Variants in SLC35F3 observed in about 807,000 individuals in gnomAD.
SLC35F3 encodes solute carrier family 35 member F3.
A neutral mutation model predicts 49.9 loss-of-function variants in SLC35F3; 25 were observed. The ratio of observed to expected loss-of-function variants is 0.50; its 90% CI spans 0.37 to 0.70. The LOEUF (loss-of-function observed/expected upper bound fraction) is 0.70, where lower values mean the gene tolerates loss of function less well. Ranked by LOEUF, SLC35F3 falls within the 30% of genes least tolerant of loss-of-function variation. The pLI is 0.00. For synonymous variants in SLC35F3, 275 were observed against 265.4 expected, an observed-to-expected ratio of 1.04 and a Z score of -0.35; for missense variants, 525 against 639.8, an observed-to-expected ratio of 0.82 and a Z score of 1.94.
intron 2 of SLC35F3, among the ~76,000 whole-genome samples, chr1:234,178,851 T>A (rs750091925): frequency 6.6e-5 from 10 of 152,230 alleles, no homozygotes; most frequent in African/African-American, 1.7e-4. Context: ...TCTTGACAAA[T>A]GTCTAATGAC....
intron 2 of SLC35F3, among the ~76,000 whole-genome samples, chr1:234,021,173 C>T (rs1008869364): frequency 1.3e-5 from 2 of 151,240 alleles, no homozygotes; most frequent in Admixed American, 6.6e-5. Flanking sequence ...GACATTGCCC[C>T]GCCCCCAGCA....
chr1:234,061,512 A>T (rs1350139218), intron 2 of SLC35F3, among the ~76,000 whole-genome samples: 1 of 84,910 alleles, frequency 1.2e-5, no homozygotes, highest in Non-Finnish European at 2.6e-5. Context: ...AAATTTGGAA[A>T]ATTTTTAAGC....
In SLC35F3 at chr1:233,904,855, T is replaced by C. The variant is rs1661742441; in HGVS notation, c.-223T>C. The C allele has an allele frequency of 3.9e-6, 1 of 254,126 alleles. No individual in the cohort carries two copies. The highest frequency in any genetic ancestry group is 1.6e-4 in the South Asian group (1 of 6,096). 15.7% of individuals were successfully genotyped at this position (254,126 alleles called of 1,614,324 possible). A position where few individuals can be genotyped will look rare whatever the true frequency, so the allele number is the denominator to read the frequency against. On this transcript the variant is annotated 5_prime_UTR_variant, in exon 1 of 8. Coordinates refer to ENST00000366618, the MANE Select transcript of SLC35F3 (RefSeq NM_173508.4). ...GGCGAGCGCGCGGGCCGGCCTGGAG[T>C]CACCGGGCTGAACCGCCGCGCCTGC... is the stretch of plus-strand genomic sequence containing the variant.
At chr1:234,107,481 C>T (rs1230933340) in intron 2 of SLC35F3, among the ~76,000 whole-genome samples, 5 of 151,904 alleles carry the variant, frequency 3.3e-5, no homozygotes, top group African/African-American at 4.8e-5. Context: ...TTGCTATTAC[C>T]GGGGAGTAAA....
intron 3 of SLC35F3, among the ~76,000 whole-genome samples, chr1:234,269,259 G>A (rs1018581262): frequency 2.6e-5 from 4 of 152,076 alleles, no homozygotes; most frequent in African/African-American, 9.7e-5. Context: ...GCAAAAAAGG[G>A]GCCTCACCCT....
intron 2 of SLC35F3, among the ~76,000 whole-genome samples, chr1:234,142,064 A>G (rs1377767792): frequency 1.3e-5 from 2 of 152,190 alleles, no homozygotes; most frequent in African/African-American, 2.4e-5. Flanking sequence ...AATATTTATT[A>G]AATGAAAGAA....
intron 2 of SLC35F3, among the ~76,000 whole-genome samples, chr1:234,181,619 G>A (rs546353896): frequency 2.0e-5 from 3 of 152,238 alleles, no homozygotes; most frequent in African/African-American, 7.2e-5. Flanking sequence ...TTGTTGAAGA[G>A]AGCAGTTTGT....
chr1:234,005,156 C>T (rs1240951049), intron 2 of SLC35F3, among the ~76,000 whole-genome samples: 1 of 152,156 alleles, frequency 6.6e-6, no homozygotes, highest in East Asian at 1.9e-4. Flanking sequence ...TCAACCACTT[C>T]AGTCTCCTGA....
chr1:234,289,502 A>G (rs1431023885), intron 3 of SLC35F3, among the ~76,000 whole-genome samples: 2 of 152,178 alleles, frequency 1.3e-5, no homozygotes, highest in African/African-American at 2.4e-5. Context: ...CTTCCCACAC[A>G]TCAAAGGAGA....
chr1:234,278,481 C>T (rs1464786246), intron 3 of SLC35F3, among the ~76,000 whole-genome samples: 4 of 148,762 alleles, frequency 2.7e-5, no homozygotes, highest in Non-Finnish European at 4.4e-5. Flanking sequence ...CAGAGCGAGA[C>T]TCTGTTTCAA....
chr1:234,034,925 A>G (rs988380327), intron 2 of SLC35F3, among the ~76,000 whole-genome samples: 1 of 152,214 alleles, frequency 6.6e-6, no homozygotes, highest in Admixed American at 6.5e-5. Context: ...CTATGACCCT[A>G]TCATAAATTC....
At chr1:234,163,755 C>T (rs1178078294) in intron 2 of SLC35F3, among the ~76,000 whole-genome samples, 1 of 152,202 alleles carries the variant, frequency 6.6e-6, no homozygotes, top group East Asian at 1.9e-4. Context: ...TTTGGCAAAG[C>T]TCTTTCTCTC....
At chr1:234,008,657 G>T (rs1663667910) in intron 2 of SLC35F3, among the ~76,000 whole-genome samples, 1 of 152,158 alleles carries the variant, frequency 6.6e-6, no homozygotes, top group South Asian at 2.1e-4. Flanking sequence ...AGAAGCACTT[G>T]CTCTAGGAAG....
chr1:234,126,477 A>G (rs72758230), intron 2 of SLC35F3, among the ~76,000 whole-genome samples: 50,274 of 150,772 alleles, frequency 0.33, 8,845 homozygotes, highest in African/African-American at 0.4. Flanking sequence ...CCTGTTTTAC[A>G]TGTGTGTGTG....
intron 2 of SLC35F3, among the ~76,000 whole-genome samples, chr1:234,190,768 C>G (rs937223452): frequency 6.6e-6 from 1 of 152,216 alleles, no homozygotes; most frequent in Non-Finnish European, 1.5e-5. Context: ...AATATACATT[C>G]TATTTCATCA....
intron 2 of SLC35F3, among the ~76,000 whole-genome samples, chr1:234,155,625 A>G (rs1169703197): frequency 6.6e-6 from 1 of 152,006 alleles, no homozygotes; most frequent in East Asian, 1.9e-4. Flanking sequence ...TAATGTTACT[A>G]CCTAAATATA....
intron 2 of SLC35F3, among the ~76,000 whole-genome samples, chr1:233,936,529 C>A (rs925584135): frequency 6.8e-6 from 1 of 146,194 alleles, no homozygotes; most frequent in African/African-American, 2.5e-5. Flanking sequence ...CCTCCTCCTC[C>A]TCCTTCTTCC....
intron 2 of SLC35F3, among the ~76,000 whole-genome samples, chr1:233,940,988 A>G (rs1662411049): frequency 6.6e-6 from 1 of 152,198 alleles, no homozygotes; most frequent in African/African-American, 2.4e-5. Context: ...TGGATAGGCC[A>G]TAAACTTATT....
At chr1:233,982,318 A>C (rs1214172855) in intron 2 of SLC35F3, among the ~76,000 whole-genome samples, 2 of 151,844 alleles carry the variant, frequency 1.3e-5, no homozygotes, top group Non-Finnish European at 2.9e-5. Context: ...TCCATTTTTA[A>C]ATTGATTTTT....
Sources: allele counts gnomAD v4.1 joint callset (sites outside exome capture counted in the v4.1 genomes callset), GRCh38; gene constraint gnomAD v4.1.1; transcripts MANE v1.5; gene names NCBI Gene and HGNC (gene_info 2026-07-23, HGNC 2026-07-21).